The following IPO7 variants were observed in gnomAD, a reference collection of about 807,000 sequenced individuals.
The protein encoded by IPO7 is importin-7.
A neutral mutation model predicts 136.4 loss-of-function variants in IPO7; 13 were observed. The observed-to-expected ratio is 0.10, with a 90% CI of 0.06 to 0.15. The LOEUF is 0.15. IPO7 is among the 10% of genes least tolerant of loss of function. The probability of loss-of-function intolerance (pLI) is 1.00; values close to 1 mark genes in which losing one functional copy is unlikely to be tolerated. For synonymous variants in IPO7, 403 were observed against 404.4 expected (o/e 1.00, Z 0.04); for missense variants, 857 against 1,240.6 (o/e 0.69, Z 4.65).
chr11:9,435,062 A>G, intron 19 of IPO7, 31 bp downstream of exon 19: 3 of 1,249,774 alleles, frequency 2.4e-6, no homozygotes, highest in Non-Finnish European at 3.5e-6. Context: ...AGATTTCATG[A>G]GGCTTCTGCT....
intron 1 of IPO7, among the ~76,000 whole-genome samples, chr11:9,388,427 G>A (rs1308199809): frequency 6.6e-6 from 1 of 151,330 alleles, no homozygotes; most frequent in Non-Finnish European, 1.5e-5. Flanking sequence ...CGCCCACCTC[G>A]GCCTCCCAAA....
chr11:9,417,427 A>C (rs191687106), intron 6 of IPO7, among the ~76,000 whole-genome samples: 15 of 152,094 alleles, frequency 9.9e-5, no homozygotes, highest in African/African-American at 2.2e-4. Context: ...GTTCCCTCTC[A>C]GTTCATAAAT....
chr11:9,397,136 T>G (rs2133724040), intron 1 of IPO7, among the ~76,000 whole-genome samples: 1 of 150,600 alleles, frequency 6.6e-6, no homozygotes, highest in African/African-American at 2.4e-5. Flanking sequence ...TGTTGTTGTT[T>G]AGGGTTGAGG....
Position 9,410,185 on chromosome 11 carries a change from A to G in IPO7, c.479+99A>G, listed in dbSNP as rs539770596. ...ATGTAAAATTATATTTAGCATAGATAATAAAATTAGTGAATTATATGGTAA... is the reference window on the plus strand; with the variant it reads ...ATGTAAAATTATATTTAGCATAGATGATAAAATTAGTGAATTATATGGTAA... On this transcript the variant is annotated intron_variant, in intron 4 of 24. Transcript: ENST00000379719. The G allele has an allele frequency of 6.5e-6, 5 of 764,728 alleles. No individual in the cohort carries two copies. The Admixed American group carries it at 1.7e-4, about 26-fold the overall frequency. The allele number at this position is 764,728 out of a possible 1,614,324, so 47.4% of individuals were successfully genotyped here.
intron 24 of IPO7, among the ~76,000 whole-genome samples, chr11:9,442,693 G>A (rs1214315205): frequency 3.3e-5 from 5 of 151,892 alleles, no homozygotes; most frequent in African/African-American, 1.2e-4. Flanking sequence ...GATTACAGGC[G>A]TGAGCCACCA....
At chr11:9,384,933 G>A (rs1340454787) in intron 1 of IPO7, 86 bp downstream of exon 1, 27 of 1,026,000 alleles carry the variant, frequency 2.6e-5, no homozygotes, top group Non-Finnish European at 3.9e-5. Flanking sequence ...CCGGAGGCGC[G>A]GACGACGTCG....
intron 1 of IPO7, among the ~76,000 whole-genome samples, chr11:9,396,303 GGA>G (rs112873715): frequency 4.6e-5 from 7 of 152,220 alleles, no homozygotes; most frequent in African/African-American, 1.7e-4. Context: ...AGCTGAGGCA[GGA>G]GAGTCATTTC....
At chr11:9,418,271 A>C (rs1336798874) in intron 6 of IPO7, among the ~76,000 whole-genome samples, 1 of 150,690 alleles carries the variant, frequency 6.6e-6, no homozygotes. Context: ...GGGTTTCACC[A>C]TCTTGGCCAG....
chr11:9,408,083 A>G (rs1449408147), intron 2 of IPO7, among the ~76,000 whole-genome samples: 1 of 152,062 alleles, frequency 6.6e-6, no homozygotes, highest in East Asian at 1.9e-4. Flanking sequence ...TGGTTTTTTT[A>G]TTACCTTTGT....
intron 5 of IPO7, among the ~76,000 whole-genome samples, chr11:9,415,485 T>G (rs1205458196): frequency 6.6e-6 from 1 of 152,194 alleles, no homozygotes; most frequent in East Asian, 1.9e-4. Context: ...TGGTACACAG[T>G]AATGGCTTTT....
intron 13 of IPO7, 114 bp from the exon 14 acceptor site, chr11:9,428,917 C>T: frequency 1.1e-6 from 1 of 911,390 alleles, no homozygotes; most frequent in South Asian, 1.3e-5. Flanking sequence ...TCTCTGGACA[C>T]ATCTACCACT....
chr11:9,404,658 C>G (rs1013620214), intron 2 of IPO7, among the ~76,000 whole-genome samples: 43 of 149,194 alleles, frequency 2.9e-4, no homozygotes, highest in Admixed American at 2.1e-3. Context: ...CTCCGCCTCC[C>G]GTGTTCACGC....
chr11:9,404,612 C>G (rs1460261456), intron 2 of IPO7, among the ~76,000 whole-genome samples: 1 of 130,730 alleles, frequency 7.6e-6, no homozygotes, highest in East Asian at 2.3e-4. Context: ...GTTGCCCAGG[C>G]TGTAGTGCGG....
chr11:9,430,124 C>G (rs6416173), intron 15 of IPO7, among the ~76,000 whole-genome samples: 148,157 of 152,192 alleles, frequency 0.97, 72,359 homozygotes, highest in Middle Eastern at 1. Context: ...GAATTTCCGG[C>G]AGTAATGCTC....
At chr11:9,386,677 T>C (rs1361384864) in intron 1 of IPO7, among the ~76,000 whole-genome samples, 2 of 152,336 alleles carry the variant, frequency 1.3e-5, no homozygotes, top group South Asian at 2.1e-4. Flanking sequence ...ATTACATGTC[T>C]AGTATATGCA....
intron 6 of IPO7, among the ~76,000 whole-genome samples, chr11:9,418,224 C>T (rs1482885653): frequency 6.6e-6 from 1 of 151,690 alleles, no homozygotes; most frequent in East Asian, 1.9e-4. Flanking sequence ...TGCCTGTCAC[C>T]ATGCCTGGCT....
chr11:9,404,925 G>A (rs981326759), intron 2 of IPO7, among the ~76,000 whole-genome samples: 2 of 152,006 alleles, frequency 1.3e-5, no homozygotes, highest in African/African-American at 4.8e-5. Flanking sequence ...GCAGTAAACT[G>A]TTAAAATTTT....
chr11:9,432,240 T>C (rs1031555871), intron 16 of IPO7, among the ~76,000 whole-genome samples: 4 of 151,810 alleles, frequency 2.6e-5, no homozygotes, highest in African/African-American at 9.7e-5. Flanking sequence ...CTCCCTTTGT[T>C]GCCTAGGCAG....
intron 1 of IPO7, among the ~76,000 whole-genome samples, chr11:9,390,109 T>C (rs1854607677): frequency 6.6e-6 from 1 of 152,182 alleles, no homozygotes; most frequent in East Asian, 1.9e-4. Context: ...CAGGCTGGTC[T>C]CGAACTCCTG....
Sources: allele counts gnomAD v4.1 joint callset (sites outside exome capture counted in the v4.1 genomes callset), GRCh38; gene constraint gnomAD v4.1.1; transcripts MANE v1.5; gene names NCBI Gene and HGNC (gene_info 2026-07-23, HGNC 2026-07-21).